UNC5A: variants seen among roughly 807,000 people sequenced by gnomAD.
UNC5A encodes the protein unc-5 netrin receptor A.
In UNC5A, 20 loss-of-function variants were observed where a neutral mutation model predicts 87.4. The ratio of observed to expected loss-of-function variants is 0.23; its 90% CI spans 0.16 to 0.33. The LOEUF (loss-of-function observed/expected upper bound fraction) is 0.33. Among genes scored for constraint, UNC5A ranks in the 10% least tolerant of loss-of-function variants. UNC5A has a pLI of 1.00. For synonymous variants in UNC5A, 438 were observed against 482.3 expected (o/e 0.91, Z 1.20); for missense variants, 844 against 1,133.4 (o/e 0.74, Z 3.67).
rs1179674026 is a variant in UNC5A at position 176,874,693 on chromosome 5, T to G, written c.1378+127T>G. Reference sequence around the variant, plus strand: ...TCAGCAAGGAAAGGGGGTGGAGTTTTGGGGAGAACCCAGTCTTGGCTGGCA... The same window carrying G: ...TCAGCAAGGAAAGGGGGTGGAGTTTGGGGGAGAACCCAGTCTTGGCTGGCA... On this transcript the variant is annotated intron_variant, in intron 8 of 14. Coordinates refer to ENST00000329542, the MANE Select transcript of UNC5A (RefSeq NM_133369.3). The surrounding 1 kb of genome is among the most constrained non-coding windows in gnomAD (Gnocchi z 7.6). 2 of 1,151,130 alleles carry G rather than the reference T, an allele frequency of 1.7e-6. No homozygotes were observed. Among genetic ancestry groups the G allele is most frequent in the Non-Finnish European group, 1.2e-6 (1 of 844,378 alleles). The allele number at this position is 1,151,130 out of a possible 1,614,324, so 71.3% of individuals were successfully genotyped here.
chr5:176,842,133 T>C (rs953807157), intron 1 of UNC5A, among the ~76,000 whole-genome samples: 3 of 151,972 alleles, frequency 2.0e-5, no homozygotes, highest in African/African-American at 4.8e-5. Flanking sequence ...GGAGGCGGAG[T>C]TTGCAGTGAG....
At chr5:176,840,721 C>A (rs569819469) in intron 1 of UNC5A, among the ~76,000 whole-genome samples, 1 of 152,234 alleles carries the variant, frequency 6.6e-6, no homozygotes, top group Non-Finnish European at 1.5e-5. Context: ...TCTTCTAACT[C>A]CACAACCAAG....
intron 1 of UNC5A, among the ~76,000 whole-genome samples, chr5:176,833,505 T>C (rs1284617891): frequency 1.3e-5 from 2 of 152,194 alleles, no homozygotes; most frequent in African/African-American, 2.4e-5. Context: ...TATTCCATGG[T>C]ATATATGTAC....
In UNC5A at chr5:176,862,710, G is replaced by A. The variant is rs776693000; in HGVS notation, c.157G>A (p.Val53Met). Reference protein sequence around the residue: ...LPHFLVEPEDVYIVKNKPVLL... With the variant: ...LPHFLVEPEDMYIVKNKPVLL... Reference sequence around the variant, plus strand: ...CCACTTCCTGGTGGAGCCCGAGGATGTGTACATCGTCAAGAACAAGCCAGT... The same window carrying A: ...CCACTTCCTGGTGGAGCCCGAGGATATGTACATCGTCAAGAACAAGCCAGT... The change falls in exon 2 of 15, where the codon GTG becomes ATG. Residue 53 changes from valine (V) to methionine (M), a missense_variant. Val to Met is a conservative substitution (Grantham distance 21). Coordinates refer to ENST00000329542, the MANE Select transcript of UNC5A (RefSeq NM_133369.3). 2.5e-6 allele frequency: 4 copies of A among 1,613,576 alleles called. No homozygotes were observed. The highest frequency in any genetic ancestry group is 4.5e-5 in the East Asian group (2 of 44,884).
chr5:176,836,857 C>T (rs1757157852), intron 1 of UNC5A, among the ~76,000 whole-genome samples: 1 of 152,174 alleles, frequency 6.6e-6, no homozygotes, highest in Admixed American at 6.5e-5. Flanking sequence ...AAATTGCTTC[C>T]AGAAAGGTTT....
intron 1 of UNC5A, among the ~76,000 whole-genome samples, chr5:176,860,207 TG>T (rs1382249324): frequency 6.6e-6 from 1 of 152,156 alleles, no homozygotes; most frequent in East Asian, 1.9e-4. Flanking sequence ...AACCTGCCAC[TG>T]GGGGGGCTTG....
rs899677638 is a variant in UNC5A at position 176,875,882 on chromosome 5, G to A, written c.1379-1310G>A. 2.0e-5 allele frequency among the ~76,000 whole-genome samples: 3 copies of A among 152,232 alleles called. No homozygotes were observed. Among genetic ancestry groups the A allele is most frequent in the Non-Finnish European group, 4.4e-5 (3 of 68,044 alleles). On this transcript the variant is annotated intron_variant, in intron 8 of 14. Transcript: ENST00000329542. This position sits in a 1 kb window ranked among gnomAD's most constrained non-coding sequence, Gnocchi z 5.2. ...GGGTCCCCGCCTGACAGCTCTTGCC[G>A]TCTGTGCCTCACGTCCACACGGATG...
In UNC5A at chr5:176,879,499, G is replaced by A; in HGVS notation, c.2363+11G>A. The A allele has an allele frequency of 6.3e-7, 1 of 1,596,604 alleles. No homozygotes were observed. The highest frequency in any genetic ancestry group is 1.3e-5 in the African/African-American group (1 of 74,718). On this transcript the variant is annotated intron_variant, in intron 14 of 14. Transcript: ENST00000329542. ...ACTCCACCTGGACAGGTGGGCGGGA[G>A]AGGGGCAGAGAGGGCCTGCGCAGGC...
At chr5:176,878,705 A>G in intron 13 of UNC5A, 66 bp downstream of exon 13, 1 of 1,551,842 alleles carries the variant, frequency 6.4e-7, no homozygotes, top group East Asian at 2.3e-5. Flanking sequence ...CCAGCCCCCA[A>G]AACGCTCCTG....
intron 1 of UNC5A, among the ~76,000 whole-genome samples, chr5:176,828,522 A>T (rs901061801): frequency 5.3e-5 from 8 of 152,084 alleles, no homozygotes; most frequent in African/African-American, 1.9e-4. Flanking sequence ...CAGCCCCCCC[A>T]TCTTCCCCTG....
chr5:176,810,837 G>T lies in UNC5A; in HGVS notation c.70+17G>T. On this transcript the variant is annotated intron_variant, in intron 1 of 14. Coordinates refer to ENST00000329542, the MANE Select transcript of UNC5A (RefSeq NM_133369.3). This position sits in a 1 kb window ranked among gnomAD's most constrained non-coding sequence, Gnocchi z 7.3. ...GCGGCTCGGGTGAGTCACGCCGCGCGCGCTCTGGGGAGGCTTGCGGGGGAC... is the reference window on the plus strand; with the variant it reads ...GCGGCTCGGGTGAGTCACGCCGCGCTCGCTCTGGGGAGGCTTGCGGGGGAC... 1 of 1,222,050 alleles carries T rather than the reference G, an allele frequency of 8.2e-7. No individual in the cohort carries two copies. The highest frequency in any genetic ancestry group is 1.0e-6 in the Non-Finnish European group (1 of 981,400). The allele number at this position is 1,222,050 out of a possible 1,614,324, so 75.7% of individuals were successfully genotyped here. A position where few individuals can be genotyped will look rare whatever the true frequency, so the allele number is the denominator to read the frequency against.
chr5:176,861,741 G>A (rs1453678741), intron 1 of UNC5A, among the ~76,000 whole-genome samples: 1 of 152,212 alleles, frequency 6.6e-6, no homozygotes, highest in Non-Finnish European at 1.5e-5. Flanking sequence ...AGAATAGATG[G>A]TCTGGAAACC....
chr5:176,827,904 G>C (rs1408458791), intron 1 of UNC5A, among the ~76,000 whole-genome samples: 1 of 152,176 alleles, frequency 6.6e-6, no homozygotes, highest in Non-Finnish European at 1.5e-5. Context: ...GGTTAGCCTG[G>C]TGTAGGTCTC....
rs1448214987 is a variant in UNC5A at position 176,868,204 on chromosome 5, T to G, written c.367T>G (p.Trp123Gly). Residue 123 changes from tryptophan (W) to glycine (G), a missense_variant, in exon 3 of 15, where the codon TGG becomes GGG. Coordinates refer to ENST00000329542, the MANE Select transcript of UNC5A (RefSeq NM_133369.3). ...GAAGGTGTTCGGGCTGGAGGAATAC[T>G]GGTGCCAGTGCGTGGCATGGAGCTC... ...VEKVFGLEEYWCQCVAWSSSG... is the reference protein window; with the variant it reads ...VEKVFGLEEYGCQCVAWSSSG... 1.9e-6 allele frequency: 3 copies of G among 1,613,634 alleles called. No homozygotes were observed. Among genetic ancestry groups the G allele is most frequent in the Middle Eastern group, 1.7e-4 (1 of 6,058 alleles).
chr5:176,810,967 C>CTT lies in UNC5A; in HGVS notation c.70+148_70+149dup. On this transcript the variant is annotated intron_variant, in intron 1 of 14. Coordinates refer to ENST00000329542, the MANE Select transcript of UNC5A (RefSeq NM_133369.3). The surrounding 1 kb of genome is among the most constrained non-coding windows in gnomAD (Gnocchi z 7.3). ...TTTGCGAGGCGGGACGCGGGGGGCT[C>CTT]TTCTTGCTGCTGCGCAGCTTCCCCG... 1.6e-6 allele frequency: 1 copy of CTT among 636,958 alleles called. No individual in the cohort carries two copies. The highest frequency in any genetic ancestry group is 5.2e-5 in the East Asian group (1 of 19,354). The allele number at this position is 636,958 out of a possible 1,614,324, so 39.5% of individuals were successfully genotyped here.
intron 6 of UNC5A, among the ~76,000 whole-genome samples, chr5:176,872,719 A>G (rs772471885): frequency 3.4e-3 from 206 of 60,772 alleles, no homozygotes; most frequent in Admixed American, 0.013. Flanking sequence ...GCCCACACTC[A>G]CCCCACACCA....
At chr5:176,812,190 G>C (rs1235578491) in intron 1 of UNC5A, among the ~76,000 whole-genome samples, 1 of 152,198 alleles carries the variant, frequency 6.6e-6, no homozygotes, top group Non-Finnish European at 1.5e-5. Context: ...TCCGCCACAT[G>C]TGTGTGTTAG....
chr5:176,851,160 C>T (rs559564147), intron 1 of UNC5A, among the ~76,000 whole-genome samples: 56 of 152,370 alleles, frequency 3.7e-4, no homozygotes, highest in Non-Finnish European at 6.6e-4. Context: ...CCATCGCTCT[C>T]GACTTACTGT....
rs371754063 is a variant in UNC5A at position 176,878,511 on chromosome 5, C to T, written c.2056C>T (p.Arg686Trp). 53 of 1,613,004 alleles carry T rather than the reference C, an allele frequency of 3.3e-5. No homozygotes were observed. Among genetic ancestry groups the T allele is most frequent in the Non-Finnish European group, 4.2e-5 (50 of 1,179,890 alleles). ...TTATCACATCTGGAATGGCACGCAG[C>T]GGTACTTGCACTGCACCTTCACCCT... The part of the protein sequence containing the change: ...PFYHIWNGTQ[R>W]YLHCTFTLER... Residue 686 changes from arginine to tryptophan, a missense_variant, in exon 13 of 15, where the codon CGG becomes TGG. Arg to Trp is a moderately radical substitution (Grantham distance 101). This residue lies in a region of UNC5A where 177 missense variants were observed against 279.4 expected (regional missense o/e 0.63). Coordinates refer to ENST00000329542, the MANE Select transcript of UNC5A (RefSeq NM_133369.3).
Sources: allele counts gnomAD v4.1 joint callset (sites outside exome capture counted in the v4.1 genomes callset), GRCh38; gene constraint gnomAD v4.1.1; regional missense constraint gnomAD v4.1.1; non-coding constraint Gnocchi (gnomAD v3.1); transcripts MANE v1.5; gene names NCBI Gene and HGNC (gene_info 2026-07-23, HGNC 2026-07-21).